Variants in RMC1 observed in about 807,000 individuals in gnomAD.
RMC1 encodes regulator of MON1-CCZ1.
In RMC1, 44 loss-of-function variants were observed where a neutral mutation model predicts 95.5. The ratio of observed to expected loss-of-function variants is 0.46; its 90% CI spans 0.36 to 0.59. The LOEUF is 0.59. RMC1 is among the 20% of genes least tolerant of loss of function. The pLI is 0.00. For missense variants in RMC1, 705 were observed against 819.6 expected (o/e 0.86, Z 1.71); for synonymous variants, 320 against 303.6 (o/e 1.05, Z -0.56).
intron 5 of RMC1, among the ~76,000 whole-genome samples, chr18:23,509,851 G>GCC (rs1567914593): frequency 6.6e-6 from 1 of 150,948 alleles, no homozygotes; most frequent in Admixed American, 6.6e-5. Context: ...GAGCCACTGC[G>GCC]CCCGGCCCTG....
intron 15 of RMC1, 26 bp from the exon 16 acceptor site, chr18:23,529,609 G>C (rs765444816): frequency 1.2e-6 from 2 of 1,600,462 alleles, no homozygotes; most frequent in East Asian, 2.2e-5. Context: ...GTTGGTATTT[G>C]TAAGACCACA....
intron 6 of RMC1, 144 bp downstream of exon 6, chr18:23,516,140 C>T: frequency 7.4e-7 from 1 of 1,360,136 alleles, no homozygotes; most frequent in South Asian, 1.3e-5. Flanking sequence ...CTCTGTATAC[C>T]CGTCAGCTCC....
intron 14 of RMC1, 88 bp from the exon 15 acceptor site, chr18:23,529,091 C>G: frequency 6.6e-7 from 1 of 1,521,814 alleles, no homozygotes; most frequent in South Asian, 1.3e-5. Flanking sequence ...GGGTCCACAT[C>G]GAAGAATTCA....
intron 3 of RMC1, among the ~76,000 whole-genome samples, chr18:23,507,415 T>TA (rs1347540068): frequency 1.3e-5 from 2 of 151,500 alleles, no homozygotes; most frequent in Non-Finnish European, 2.9e-5. Flanking sequence ...ATTTGGAACT[T>TA]CATGTGTCTT....
At chr18:23,531,527 AAAAT>A in intron 19 of RMC1, 94 bp from the exon 20 acceptor site, 3 of 1,523,154 alleles carry the variant, frequency 2.0e-6, no homozygotes, top group Non-Finnish European at 2.6e-6. Context: ...TTATTAAAGA[AAAAT>A]AAGTTAAAAC....
rs144854027 is a variant in RMC1 at position 23,507,648 on chromosome 18, A to G, written c.265-337A>G. 8.5e-3 allele frequency among the ~76,000 whole-genome samples: 1,289 copies of G among 152,312 alleles called. 16 individuals carry two copies. Among genetic ancestry groups the G allele is most frequent in the African/African-American group, 0.03 (1,249 of 41,568 alleles). On this transcript the variant is annotated intron_variant, in intron 3 of 19. Transcript: ENST00000269221. ...GCAGAATCCTCTGTTAGTTTCTTCC[A>G]TCAGTTTTAAGTGTTAAAGTCTTGG...
intron 2 of RMC1, among the ~76,000 whole-genome samples, chr18:23,505,722 T>C (rs2057696922): frequency 6.6e-6 from 1 of 152,054 alleles, no homozygotes; most frequent in Admixed American, 6.6e-5. Flanking sequence ...TAGAGTGGCA[T>C]TGCATAGGCA....
Position 23,527,781 on chromosome 18 carries a change from T to C in RMC1, c.1190-14T>C. On this transcript the variant is annotated splice_polypyrimidine_tract_variant and intron_variant, in intron 13 of 19. Transcript: ENST00000269221. ...AGTTGGTTTGATCCGTGTGTGAACA[T>C]TGTGCCTTTCCAGTGTTAAGTGAGT... is the stretch of plus-strand genomic sequence containing the variant. 1 of 1,607,054 alleles carries C rather than the reference T, an allele frequency of 6.2e-7. No homozygotes were observed. Among genetic ancestry groups the C allele is most frequent in the Non-Finnish European group, 8.5e-7 (1 of 1,173,580 alleles).
intron 4 of RMC1, among the ~76,000 whole-genome samples, chr18:23,508,248 G>A (rs2057762340): frequency 6.6e-6 from 1 of 152,148 alleles, no homozygotes; most frequent in Admixed American, 6.5e-5. Context: ...CTTTGGAGGG[G>A]GAGGGTTCAA....
rs2057982774 is a variant in RMC1, at chr18:23,515,669, A to G, written c.409-187A>G. 2.6e-5 allele frequency among the ~76,000 whole-genome samples: 4 copies of G among 152,292 alleles called. No individual in the cohort carries two copies. In the South Asian group the frequency reaches 8.3e-4, roughly 32 times the overall value. On this transcript the variant is annotated intron_variant, in intron 5 of 19. Coordinates refer to ENST00000269221, the MANE Select transcript of RMC1 (RefSeq NM_013326.5). ...TGCCTCAGCCTTCTGAGTAGCTGGA[A>G]TTACAGGCATGTGCCACCACGCCTG...
At chr18:23,518,491 C>T (rs1454188333) in intron 7 of RMC1, among the ~76,000 whole-genome samples, 1 of 150,572 alleles carries the variant, frequency 6.6e-6, no homozygotes, top group Non-Finnish European at 1.5e-5. Flanking sequence ...GAGACCCTGT[C>T]TCTGAAAAAT....
In RMC1 at chr18:23,531,724, A is replaced by G. The variant is rs200905801; in HGVS notation, c.*20A>G. On this transcript the variant is annotated 3_prime_UTR_variant, in exon 20 of 20. Coordinates refer to ENST00000269221, the MANE Select transcript of RMC1 (RefSeq NM_013326.5). ...TTCTGAAATCACTTGCTGTTTTTTT[A>G]TATAAAAATGTGTACAAAGTTAATT... 2.1e-5 allele frequency: 33 copies of G among 1,598,868 alleles called. No homozygotes were observed. The highest frequency in any genetic ancestry group is 1.2e-5 in the Non-Finnish European group (14 of 1,176,214).
chr18:23,504,793 C>T (rs925379969), intron 2 of RMC1: 3 of 199,830 alleles, frequency 1.5e-5, no homozygotes, highest in Non-Finnish European at 3.1e-5. Flanking sequence ...TCCAGAGTGG[C>T]AGGTGGAGGA....
chr18:23,526,787 T>G, intron 13 of RMC1, 22 bp downstream of exon 13: 1 of 1,612,102 alleles, frequency 6.2e-7, no homozygotes, highest in Non-Finnish European at 8.5e-7. Flanking sequence ...CCTTCCCCCT[T>G]GCTCTGATTC....
At chr18:23,509,300 G>A in intron 5 of RMC1, 21 bp downstream of exon 5, 1 of 1,287,532 alleles carries the variant, frequency 7.8e-7, no homozygotes, top group Non-Finnish European at 1.0e-6. Context: ...TATCATTTAT[G>A]TTTGTTGGTT....
chr18:23,506,091 C>G (rs905438894), intron 2 of RMC1: 6 of 149,404 alleles, frequency 4.0e-5, no homozygotes, highest in African/African-American at 1.5e-4. Context: ...CACGTGAACC[C>G]GAGAGGCAGA....
rs1365619032 is a variant in RMC1, at chr18:23,503,515, C to G, written c.-104C>G. 4 of 704,316 alleles carry G rather than the reference C, an allele frequency of 5.7e-6. No individual in the cohort carries two copies. The highest frequency in any genetic ancestry group is 8.0e-6 in the Non-Finnish European group (4 of 498,876). 43.6% of individuals were successfully genotyped at this position (704,316 alleles called of 1,614,324 possible). On this transcript the variant is annotated 5_prime_UTR_variant, in exon 1 of 20. Transcript: ENST00000269221. ...AGCGGCGTCCGCGCCGGGCCCAGAGCCGCAGCCGCAGCCGCCGCTACAGTC... is the reference window on the plus strand; with the variant it reads ...AGCGGCGTCCGCGCCGGGCCCAGAGGCGCAGCCGCAGCCGCCGCTACAGTC...
intron 12 of RMC1, among the ~76,000 whole-genome samples, chr18:23,525,730 T>G (rs1426918879): frequency 1.3e-5 from 2 of 152,176 alleles, no homozygotes; most frequent in African/African-American, 2.4e-5. Context: ...GCCTATAATT[T>G]TTTTTTTGTA....
chr18:23,529,960 G>C, intron 16 of RMC1, 68 bp from the exon 17 acceptor site: 1 of 1,405,230 alleles, frequency 7.1e-7, no homozygotes, highest in Non-Finnish European at 1.0e-6. Flanking sequence ...CCAGTCCTTG[G>C]GGAGCCTCTA....
Sources: allele counts gnomAD v4.1 joint callset (sites outside exome capture counted in the v4.1 genomes callset), GRCh38; gene constraint gnomAD v4.1.1; transcripts MANE v1.5; gene names NCBI Gene and HGNC (gene_info 2026-07-23, HGNC 2026-07-21).